The following GLT1D1 variants were observed in gnomAD, a reference collection of about 807,000 sequenced individuals.
GLT1D1 encodes the protein glycosyltransferase 1 domain containing 1, also known as glycosyltransferase 1 domain-containing protein 1.
GLT1D1 carries 21 observed loss-of-function variants against 28.7 expected under a neutral mutation model. The observed-to-expected ratio is 0.73, with a 90% CI of 0.52 to 1.05. The LOEUF is 1.05. Ranked by LOEUF, GLT1D1 falls within the 50% of genes least tolerant of loss-of-function variation. The probability of loss-of-function intolerance (pLI) is 0.00; values close to 1 mark genes in which losing one functional copy is unlikely to be tolerated. For missense variants in GLT1D1, 343 were observed against 330.6 expected, an observed-to-expected ratio of 1.04 and a Z score of -0.29; for synonymous variants, 147 against 124.8, an observed-to-expected ratio of 1.18 and a Z score of -1.19.
chr12:128,902,600 G>A (rs1593107050), intron 4 of GLT1D1, among the ~76,000 whole-genome samples: 1 of 151,516 alleles, frequency 6.6e-6, no homozygotes, highest in Admixed American at 6.6e-5. Flanking sequence ...TACAGTGATC[G>A]GAAAGGCCAT....
chr12:128,941,900 T>G (rs1163250290), intron 4 of GLT1D1, among the ~76,000 whole-genome samples: 1 of 123,114 alleles, frequency 8.1e-6, no homozygotes, highest in Non-Finnish European at 1.6e-5. Flanking sequence ...TCTCTCTCTC[T>G]CTCTCTTTTT....
At chr12:128,926,206 A>AATG (rs1470264318) in intron 4 of GLT1D1, among the ~76,000 whole-genome samples, 153 bp from the exon 7 acceptor site, 1 of 143,762 alleles carries the variant, frequency 7.0e-6, no homozygotes, top group Non-Finnish European at 1.5e-5. Context: ...TAATAATAAT[A>AATG]ATAATAATAA....
chr12:128,872,746 A>G (rs889947594), intron 1 of GLT1D1, among the ~76,000 whole-genome samples: 1 of 152,196 alleles, frequency 6.6e-6, no homozygotes, highest in Non-Finnish European at 1.5e-5. Context: ...CTACATACAC[A>G]CGCACGCTCA....
chr12:128,880,400 A>T (rs1394925438), intron 2 of GLT1D1, among the ~76,000 whole-genome samples: 1 of 152,220 alleles, frequency 6.6e-6, no homozygotes, highest in Non-Finnish European at 1.5e-5. Context: ...AAATGTGGTT[A>T]AACTTTTACT....
rs373162997 is a variant in GLT1D1, at chr12:128,957,634, C to T, written c.630C>T (p.Ser210=). The change falls in exon 7 of 8, where the codon TCC becomes TCT. Residue 210 remains serine, a synonymous_variant. Coordinates refer to ENST00000281703, the MANE Select transcript of GLT1D1 (RefSeq NM_144669.3). The stretch of plus-strand genomic sequence containing the variant: ...ATGAAGTCACAGGGCTACTGTTTTC[C>T]AATCCTCAGGTAAAGAAAAGTTCTT... The T allele has an allele frequency of 4.4e-6, 7 of 1,608,916 alleles. No individual in the cohort carries two copies. In the African/African-American group the frequency reaches 6.7e-5, roughly 15 times the overall value.
At chr12:128,934,309 T>C (rs1189045962) in intron 4 of GLT1D1, among the ~76,000 whole-genome samples, 8 of 150,154 alleles carry the variant, frequency 5.3e-5, no homozygotes, top group African/African-American at 2.0e-4. Flanking sequence ...GTTCAAACGA[T>C]TCTCCTTCCA....
At chr12:128,947,288 A>G in intron 5 of GLT1D1, 50 bp from the exon 10 acceptor site, 1 of 1,611,436 alleles carries the variant, frequency 6.2e-7, no homozygotes, top group African/African-American at 1.3e-5. Context: ...CCAGCTGCCT[A>G]CCCATGAGAT....
intron 1 of GLT1D1, among the ~76,000 whole-genome samples, chr12:128,865,221 C>A (rs1030659614): frequency 6.6e-6 from 1 of 152,218 alleles, no homozygotes; most frequent in Non-Finnish European, 1.5e-5. Context: ...AAGCCCAGCA[C>A]ATCCCACGTC....
intron 2 of GLT1D1, 63 bp from the exon 3 acceptor site, chr12:128,888,576 G>C: frequency 9.5e-7 from 1 of 1,053,916 alleles, no homozygotes; most frequent in Non-Finnish European, 1.4e-6. Context: ...CCTTGCTTGG[G>C]AATGGTTGGT....
chr12:128,921,454 G>T (rs1321354641), intron 4 of GLT1D1, among the ~76,000 whole-genome samples: 1 of 151,814 alleles, frequency 6.6e-6, no homozygotes, highest in African/African-American at 2.4e-5. Context: ...TGGCTTGCAT[G>T]TAGTCAGCCT....
intron 7 of GLT1D1, among the ~76,000 whole-genome samples, chr12:128,964,170 C>G (rs12306045): frequency 0.1 from 15,341 of 152,206 alleles, 1,012 homozygotes; most frequent in East Asian, 0.17. Context: ...TTGCTTGAGC[C>G]CAGGAGTTCA....
chr12:128,854,097 G>A (rs1432257576), intron 1 of GLT1D1, among the ~76,000 whole-genome samples: 1 of 152,142 alleles, frequency 6.6e-6, no homozygotes, highest in Admixed American at 6.5e-5. Flanking sequence ...GGCGTCCGGG[G>A]TCCTGTCCCC....
intron 3 of GLT1D1, among the ~76,000 whole-genome samples, chr12:128,889,622 T>G (rs1450143440): frequency 6.6e-6 from 1 of 152,172 alleles, no homozygotes; most frequent in East Asian, 1.9e-4. Flanking sequence ...AACTTTTCCA[T>G]GTCAATACGG....
chr12:128,865,162 C>A (rs2135769834), intron 1 of GLT1D1, among the ~76,000 whole-genome samples: 1 of 152,338 alleles, frequency 6.6e-6, no homozygotes, highest in East Asian at 1.9e-4. Flanking sequence ...ATCCTCTGCG[C>A]TGTGGGCCCC....
intron 4 of GLT1D1, among the ~76,000 whole-genome samples, chr12:128,939,556 A>T (rs1245773296): frequency 4.6e-5 from 7 of 152,080 alleles, no homozygotes; most frequent in Non-Finnish European, 2.9e-5. Context: ...ACCCTGTGTT[A>T]GTTCTCCCAC....
At chr12:128,934,917 C>T (rs1289741831) in intron 4 of GLT1D1, among the ~76,000 whole-genome samples, 1 of 151,580 alleles carries the variant, frequency 6.6e-6, no homozygotes, top group East Asian at 1.9e-4. Context: ...GGATGGGGTC[C>T]AGGTCAGGGT....
rs1880614000 is a variant in GLT1D1 at position 128,984,569 on chromosome 12, C to T, written c.*1479C>T. ...AGGACTGCTCAACAATGCCCCCCAT[C>T]GCCGCCCCCCCACCCCTCGCACCCC... is the stretch of plus-strand genomic sequence containing the variant. On this transcript the variant is annotated 3_prime_UTR_variant, in exon 8 of 8. Coordinates refer to ENST00000281703, the MANE Select transcript of GLT1D1 (RefSeq NM_144669.3). 6.6e-6 allele frequency: 1 copy of T among 151,936 alleles called. No individual in the cohort carries two copies. The highest frequency in any genetic ancestry group is 1.5e-5 in the Non-Finnish European group (1 of 68,024). The allele number at this position is 151,936 out of a possible 1,614,324, so 9.4% of individuals were successfully genotyped here.
At chr12:128,891,658 C>T (rs897728000) in intron 3 of GLT1D1, among the ~76,000 whole-genome samples, 2 of 152,074 alleles carry the variant, frequency 1.3e-5, no homozygotes, top group South Asian at 2.1e-4. Flanking sequence ...AAAGTTCTGT[C>T]GGGAGCCTCA....
intron 1 of GLT1D1, among the ~76,000 whole-genome samples, chr12:128,874,124 C>T (rs866371): frequency 0.043 from 1,701 of 39,160 alleles, 169 homozygotes; most frequent in African/African-American, 0.12. Context: ...CTCTCTCTCT[C>T]TCTTTCTTTC....
Sources: gnomAD v4.1 joint callset for allele counts (sites outside exome capture counted in the v4.1 genomes callset) on GRCh38, gnomAD v4.1.1 for gene constraint, MANE v1.5 for transcripts, NCBI Gene and HGNC (gene_info 2026-07-23, HGNC 2026-07-21) for gene names.